Variants in KLHL13 observed in about 807,000 individuals in gnomAD.
KLHL13 encodes the protein kelch like family member 13, also known as kelch-like protein 13.
Under a neutral mutation model 37.1 loss-of-function variants are expected in KLHL13, and 10 were observed. The observed-to-expected ratio is 0.27, with a 90% CI of 0.17 to 0.46. The LOEUF (loss-of-function observed/expected upper bound fraction) is 0.46, where lower values mean the gene tolerates loss of function less well. Ranked by LOEUF, KLHL13 falls within the 20% of genes least tolerant of loss-of-function variation. The pLI is 1.00. For synonymous variants in KLHL13, 163 were observed against 181.2 expected (o/e 0.90, Z 0.81); for missense variants, 360 against 509.3 (o/e 0.71, Z 2.82).
intron 1 of KLHL13, among the ~76,000 whole-genome samples, chrX:117,961,015 G>A (rs2053286251): frequency 8.9e-6 from 1 of 112,007 alleles, no homozygotes; most frequent in Admixed American, 9.5e-5. Flanking sequence ...AAAAAAAATA[G>A]TTTTTAAATA....
chrX:118,087,194 T>C (rs1172611075), intron 1 of KLHL13, among the ~76,000 whole-genome samples: 2 of 110,653 alleles, frequency 1.8e-5, no homozygotes, highest in Non-Finnish European at 3.8e-5. Context: ...ACTTACACAA[T>C]GCTTAATTTC....
rs189852377 is a variant in KLHL13 at position 117,996,060 on chromosome X, G to T, written c.-55-50485C>A. Among the ~76,000 whole-genome samples the T allele has an allele frequency of 9.3e-4, 104 of 111,473 alleles. 1 individual carries two copies. The highest frequency in any genetic ancestry group is 3.4e-3 in the African/African-American group (103 of 30,690). On this transcript the variant is annotated intron_variant, in intron 1 of 6. Transcript: ENST00000371882. The stretch of plus-strand genomic sequence containing the variant: ...CTGGGTGAACATATGATAACTCTAT[G>T]TTCAACTTTTTAAGGAACCTCTCAG...
At chrX:118,036,231 T>G (rs757902370) in intron 1 of KLHL13, among the ~76,000 whole-genome samples, 4,806 of 107,196 alleles carry the variant, frequency 0.045, 295 homozygotes, top group African/African-American at 0.16. Context: ...TTCACAGAAT[T>G]GGAAAAAACT....
At chrX:118,079,886 A>G (rs1225498023) in intron 1 of KLHL13, among the ~76,000 whole-genome samples, 1 of 111,726 alleles carries the variant, frequency 9.0e-6, no homozygotes, top group African/African-American at 3.2e-5. Context: ...AAATTATACT[A>G]TAAGGTTACA....
chrX:117,904,832 C>T (rs1468991429), intron 5 of KLHL13, among the ~76,000 whole-genome samples: 1 of 111,356 alleles, frequency 9.0e-6, no homozygotes, highest in Non-Finnish European at 1.9e-5. Context: ...CAAAAGTTTG[C>T]TGGCCCCTAA....
intron 1 of KLHL13, among the ~76,000 whole-genome samples, chrX:118,036,099 C>T (rs1241223066): frequency 7.8e-5 from 8 of 102,437 alleles, no homozygotes; most frequent in African/African-American, 3.1e-4. Flanking sequence ...AAAGAGGATA[C>T]AAACAAATGG....
At chrX:118,050,754 C>G (rs756998384) in intron 1 of KLHL13, among the ~76,000 whole-genome samples, 1 of 111,919 alleles carries the variant, frequency 8.9e-6, no homozygotes, top group South Asian at 3.7e-4. Context: ...ATCCACTGAG[C>G]CCTGATACAC....
chrX:117,968,205 C>T (rs750280029), intron 1 of KLHL13, among the ~76,000 whole-genome samples: 11 of 110,240 alleles, frequency 1.0e-4, no homozygotes, highest in African/African-American at 3.3e-4. Context: ...GCATTGGGAA[C>T]GGGAGAGAAA....
At chrX:117,922,196 T>C (rs1176692233) in intron 2 of KLHL13, among the ~76,000 whole-genome samples, 1 of 111,895 alleles carries the variant, frequency 8.9e-6, no homozygotes, top group Non-Finnish European at 1.9e-5. Flanking sequence ...TTTTTTGTTT[T>C]GTTTTTTTGA....
intron 1 of KLHL13, chrX:117,946,766 A>G (rs1933341018): frequency 8.9e-6 from 1 of 112,412 alleles, no homozygotes; most frequent in Non-Finnish European, 1.9e-5. Flanking sequence ...CAATATCAGA[A>G]AGGTTTCACC....
intron 1 of KLHL13, among the ~76,000 whole-genome samples, chrX:118,104,367 G>C (rs2055323594): frequency 9.0e-6 from 1 of 111,726 alleles, no homozygotes; most frequent in Admixed American, 9.6e-5. Flanking sequence ...AAAAATATCA[G>C]TGTATACACA....
At chrX:117,928,383 G>A (rs749209852) in intron 2 of KLHL13, among the ~76,000 whole-genome samples, 54 of 111,542 alleles carry the variant, frequency 4.8e-4, no homozygotes, top group Non-Finnish European at 1.1e-4. Context: ...ATACTTCACC[G>A]AAGAACAGTA....
chrX:117,997,682 G>A (rs193139998), intron 1 of KLHL13, among the ~76,000 whole-genome samples: 92 of 111,453 alleles, frequency 8.3e-4, no homozygotes, highest in African/African-American at 2.8e-3. Context: ...GATTCTCCTT[G>A]GAAATAATCC....
intron 4 of KLHL13, among the ~76,000 whole-genome samples, chrX:117,911,026 AAAT>A (rs1219453407): frequency 8.9e-6 from 1 of 112,319 alleles, no homozygotes; most frequent in Non-Finnish European, 1.9e-5. Flanking sequence ...AAAATAGGAA[AAAT>A]AATATTAGCA....
At chrX:117,929,725 T>C (rs747910721) in intron 2 of KLHL13, among the ~76,000 whole-genome samples, 7 of 94,861 alleles carry the variant, frequency 7.4e-5, no homozygotes, top group Admixed American at 2.7e-4. Flanking sequence ...GAGGATTGCT[T>C]GAGCCCAGCT....
chrX:118,033,810 G>T (rs776872568), intron 1 of KLHL13, among the ~76,000 whole-genome samples: 1 of 109,905 alleles, frequency 9.1e-6, no homozygotes, highest in African/African-American at 3.3e-5. Context: ...TGGATAAAGA[G>T]TCAAGACCCA....
At chrX:117,925,236 G>T (rs749676853) in intron 2 of KLHL13, among the ~76,000 whole-genome samples, 1 of 111,534 alleles carries the variant, frequency 9.0e-6, no homozygotes, top group South Asian at 3.8e-4. Flanking sequence ...ATACTGTCAG[G>T]TATTTAAAAG....
At chrX:118,029,538 A>G (rs964477442) in intron 1 of KLHL13, among the ~76,000 whole-genome samples, 1 of 112,232 alleles carries the variant, frequency 8.9e-6, no homozygotes, top group Non-Finnish European at 1.9e-5. Flanking sequence ...GGTAGAATAT[A>G]TTTTATGTAT....
chrX:118,112,247 A>G (rs1294629757), intron 1 of KLHL13, among the ~76,000 whole-genome samples: 1 of 112,663 alleles, frequency 8.9e-6, no homozygotes, highest in African/African-American at 3.2e-5. Flanking sequence ...TTTATTCATT[A>G]TTCAATAACT....
Sources: gnomAD v4.1 joint callset for allele counts (sites outside exome capture counted in the v4.1 genomes callset) on GRCh38, gnomAD v4.1.1 for gene constraint, MANE v1.5 for transcripts, NCBI Gene and HGNC (gene_info 2026-07-23, HGNC 2026-07-21) for gene names.